TMC2: variants seen among roughly 807,000 people sequenced by gnomAD.
TMC2 encodes transmembrane channel like 2.
A neutral mutation model predicts 105.9 loss-of-function variants in TMC2; 102 were observed. The observed-to-expected ratio is 0.96, with a 90% CI of 0.82 to 1.14. The LOEUF (loss-of-function observed/expected upper bound fraction) is 1.14. Ranked by LOEUF, TMC2 falls within the 50% of genes most tolerant of loss-of-function variation. The probability of loss-of-function intolerance (pLI) is 0.00; values close to 1 mark genes in which losing one functional copy is unlikely to be tolerated. For synonymous variants in TMC2, 402 were observed against 422.8 expected (o/e 0.95, Z 0.60); for missense variants, 1,093 against 1,134.3 (o/e 0.96, Z 0.52).
intron 7 of TMC2, among the ~76,000 whole-genome samples, chr20:2,588,717 G>GTGTGTGTGTGTGTGTGTGTC (rs1213895827): frequency 8.7e-4 from 132 of 151,782 alleles, no homozygotes; most frequent in South Asian, 1.3e-3. Context: ...GTGTGTGTGT[G>GTGTGTGTGTGTGTGTGTGTC]TGTGTCTTGT....
intron 10 of TMC2, among the ~76,000 whole-genome samples, chr20:2,598,083 G>C (rs1319668659): frequency 1.3e-5 from 2 of 152,100 alleles, no homozygotes; most frequent in Non-Finnish European, 2.9e-5. Context: ...CTGGTTTGGG[G>C]CTGTGGGAAT....
intron 15 of TMC2, 24 bp from the exon 16 acceptor site, chr20:2,617,048 G>C: frequency 6.2e-7 from 1 of 1,613,830 alleles, no homozygotes; most frequent in Non-Finnish European, 8.5e-7. Context: ...CAGCCAACCA[G>C]GTGTTTGGTT....
chr20:2,610,454 T>TC lies in TMC2; in HGVS notation c.1454dup (p.Leu486SerfsTer3). The TC allele has an allele frequency of 6.2e-7, 1 of 1,612,684 alleles. No individual in the cohort carries two copies. Among genetic ancestry groups the TC allele is most frequent in the South Asian group, 1.1e-5 (1 of 90,878 alleles). On this transcript the variant is annotated frameshift_variant, in exon 12 of 20. Coordinates refer to ENST00000358864, the MANE Select transcript of TMC2 (RefSeq NM_080751.3). LOFTEE classifies it high-confidence loss of function. ...TGATGTCCCTGCTTGGAATGTTTTG[T>TC]CCCCCTCTGTTTGAAACCATCGCTG...
rs183789681 is a variant in TMC2 at position 2,579,304 on chromosome 20, C to T, written c.727+77C>T. 5.7e-5 allele frequency: 48 copies of T among 835,190 alleles called. No homozygotes were observed. In the East Asian group the frequency reaches 1.1e-3, roughly 19 times the overall value. The allele number at this position is 835,190 out of a possible 1,614,324, so 51.7% of individuals were successfully genotyped here. ...CAAGAGCTTGGATTGTTTCCTTGGCCCTCTGAATAGATTATTTCATTGGTT... is the reference window on the plus strand; with the variant it reads ...CAAGAGCTTGGATTGTTTCCTTGGCTCTCTGAATAGATTATTTCATTGGTT... On this transcript the variant is annotated intron_variant, in intron 6 of 19. Coordinates refer to ENST00000358864, the MANE Select transcript of TMC2 (RefSeq NM_080751.3).
rs2086453005 is a variant in TMC2 at position 2,613,052 on chromosome 20, T to A, written c.1744-142T>A. 3 of 1,142,612 alleles carry A rather than the reference T, an allele frequency of 2.6e-6. No individual in the cohort carries two copies. The South Asian group carries it at 4.9e-5, about 19-fold the overall frequency. 70.8% of individuals were successfully genotyped at this position (1,142,612 alleles called of 1,614,324 possible). ...TTCCAGAGCCAGGAGTCGCCTCTCTTCACACACAAAGGATCAGAGGGTCAC... is the reference window on the plus strand; with the variant it reads ...TTCCAGAGCCAGGAGTCGCCTCTCTACACACACAAAGGATCAGAGGGTCAC... On this transcript the variant is annotated intron_variant, in intron 13 of 19. Coordinates refer to ENST00000358864, the MANE Select transcript of TMC2 (RefSeq NM_080751.3).
At chr20:2,638,518 A>T (rs1393342434) in intron 19 of TMC2, among the ~76,000 whole-genome samples, 1 of 152,092 alleles carries the variant, frequency 6.6e-6, no homozygotes, top group Non-Finnish European at 1.5e-5. Context: ...ACTGTAAAAC[A>T]GCCTCAGGCA....
chr20:2,545,420 C>T (rs1276311161), intron 2 of TMC2, among the ~76,000 whole-genome samples: 4 of 152,224 alleles, frequency 2.6e-5, no homozygotes, highest in Non-Finnish European at 5.9e-5. Context: ...ATATCATAGA[C>T]AATTCTGAGA....
intron 4 of TMC2, among the ~76,000 whole-genome samples, chr20:2,564,039 TAAA>T (rs1416413802): frequency 6.6e-6 from 1 of 152,110 alleles, no homozygotes; most frequent in Non-Finnish European, 1.5e-5. Flanking sequence ...ATTTGTCAAT[TAAA>T]TAATAAAATA....
chr20:2,609,495 G>T (rs2086418963), intron 11 of TMC2, among the ~76,000 whole-genome samples: 1 of 152,232 alleles, frequency 6.6e-6, no homozygotes, highest in Non-Finnish European at 1.5e-5. Flanking sequence ...TAGGATGCAG[G>T]CTCAACAAGA....
In TMC2 at chr20:2,617,218, T is replaced by C. The variant is rs770750813; in HGVS notation, c.2087T>C (p.Met696Thr). The C allele has an allele frequency of 2.5e-6, 4 of 1,614,068 alleles. No individual in the cohort carries two copies. Among genetic ancestry groups the C allele is most frequent in the Non-Finnish European group, 8.5e-7 (1 of 1,180,036 alleles). The part of the protein sequence containing the change: ...FKASRSNNFY[M>T]GLLLLVLFLS... ...GCCTCCCGATCCAACAACTTCTACATGGGCCTCCTGCTGCTGGTGCTCTTC... is the reference window on the plus strand; with the variant it reads ...GCCTCCCGATCCAACAACTTCTACACGGGCCTCCTGCTGCTGGTGCTCTTC... The change falls in exon 16 of 20, where the codon ATG becomes ACG. Residue 696 changes from methionine (M) to threonine (T), a missense_variant. Met to Thr is a moderately conservative substitution (Grantham distance 81). Coordinates refer to ENST00000358864, the MANE Select transcript of TMC2 (RefSeq NM_080751.3).
At chr20:2,628,943 A>G (rs2086583166) in intron 17 of TMC2, among the ~76,000 whole-genome samples, 1 of 151,876 alleles carries the variant, frequency 6.6e-6, no homozygotes, top group African/African-American at 2.4e-5. Context: ...TCTACTAAAA[A>G]CACAAAAAAT....
intron 7 of TMC2, among the ~76,000 whole-genome samples, chr20:2,588,377 ACT>A (rs1429673971): frequency 2.0e-5 from 3 of 152,010 alleles, no homozygotes; most frequent in Admixed American, 1.3e-4. Flanking sequence ...GCCCCTGCTG[ACT>A]CTTTGATTTC....
At chr20:2,591,362 T>G (rs1024299725) in intron 7 of TMC2, among the ~76,000 whole-genome samples, 1 of 152,142 alleles carries the variant, frequency 6.6e-6, no homozygotes, top group Non-Finnish European at 1.5e-5. Flanking sequence ...AATATATAAA[T>G]ATCTAACAGT....
At chr20:2,594,697 G>A (rs1302521978) in intron 8 of TMC2, 128 bp from the exon 9 acceptor site, 9 of 953,584 alleles carry the variant, frequency 9.4e-6, no homozygotes, top group Non-Finnish European at 1.4e-5. Context: ...AGAACATCTG[G>A]AACTCTTCCT....
intron 2 of TMC2, among the ~76,000 whole-genome samples, chr20:2,557,237 C>A (rs1293595993): frequency 6.6e-6 from 1 of 152,078 alleles, no homozygotes; most frequent in East Asian, 1.9e-4. Flanking sequence ...TGAAATTGTC[C>A]CACAGTTTGG....
intron 16 of TMC2, among the ~76,000 whole-genome samples, chr20:2,623,414 C>G (rs990392867): frequency 6.6e-6 from 1 of 152,058 alleles, no homozygotes; most frequent in African/African-American, 2.4e-5. Flanking sequence ...TGGCGCTCAC[C>G]TGTAATCCCA....
intron 2 of TMC2, among the ~76,000 whole-genome samples, chr20:2,554,346 T>C (rs2085973991): frequency 6.6e-6 from 1 of 152,206 alleles, no homozygotes; most frequent in Admixed American, 6.5e-5. Flanking sequence ...TGTTCTTGGT[T>C]AGCCTGGCTA....
chr20:2,598,394 C>A (rs2086324580), intron 10 of TMC2, among the ~76,000 whole-genome samples: 3 of 139,892 alleles, frequency 2.1e-5, no homozygotes, highest in Admixed American at 7.3e-5. Flanking sequence ...CTTGCCTCTA[C>A]TTTATTTATT....
Position 2,642,764 on chromosome 20 carries a change from C to T in TMC2, c.*1413C>T, listed in dbSNP as rs1003829953. ...CTTCCTTTCCTCCACTCTGTGCTCC[C>T]AGACCCAGGTAAGCAGTGAGGCCTC... On this transcript the variant is annotated 3_prime_UTR_variant, in exon 20 of 20. Transcript: ENST00000358864. 2.0e-5 allele frequency among the ~76,000 whole-genome samples: 3 copies of T among 152,030 alleles called. No homozygotes were observed. The highest frequency in any genetic ancestry group is 4.4e-5 in the Non-Finnish European group (3 of 68,018).
Sources: gnomAD v4.1 joint callset for allele counts (sites outside exome capture counted in the v4.1 genomes callset) on GRCh38, gnomAD v4.1.1 for gene constraint, MANE v1.5 for transcripts, NCBI Gene and HGNC (gene_info 2026-07-23, HGNC 2026-07-21) for gene names.